IGF2BP1: variants seen among roughly 807,000 people sequenced by gnomAD.
IGF2BP1 encodes the protein insulin-like growth factor 2 mRNA-binding protein 1.
In IGF2BP1, 11 loss-of-function variants were observed where a neutral mutation model predicts 74.9. The observed-to-expected ratio is 0.15, with a 90% confidence interval of 0.09 to 0.24. The LOEUF (loss-of-function observed/expected upper bound fraction) is 0.24. Among genes scored for constraint, IGF2BP1 ranks in the 10% least tolerant of loss-of-function variants. The pLI is 1.00. For synonymous variants in IGF2BP1, 287 were observed against 281.8 expected, an observed-to-expected ratio of 1.02 and a Z score of -0.18; for missense variants, 440 against 757.4, an observed-to-expected ratio of 0.58 and a Z score of 4.92.
chr17:49,012,919 A>G (rs1245092673), intron 2 of IGF2BP1: 2 of 152,162 alleles, frequency 1.3e-5, no homozygotes, highest in African/African-American at 4.8e-5. Context: ...TTTCTAAAAT[A>G]TCAGGAACCC....
intron 12 of IGF2BP1, among the ~76,000 whole-genome samples, chr17:49,045,530 G>A (rs2042099883): frequency 6.6e-6 from 1 of 152,236 alleles, no homozygotes; most frequent in Admixed American, 6.5e-5. Context: ...TGTGTGACTT[G>A]ATTAGTTGCC....
In IGF2BP1 at chr17:49,049,456, C is replaced by G; in HGVS notation, c.*12C>G. The G allele has an allele frequency of 1.2e-6, 2 of 1,610,150 alleles. No individual in the cohort carries two copies. The highest frequency in any genetic ancestry group is 1.7e-6 in the Non-Finnish European group (2 of 1,176,518). ...CACGGAGGAAGTGACCAGCCCCTCC[C>G]TGTCCCTTCGAGTCCAGGACAACAA... On this transcript the variant is annotated 3_prime_UTR_variant, in exon 15 of 15. Coordinates refer to ENST00000290341, the MANE Select transcript of IGF2BP1 (RefSeq NM_006546.4).
At chr17:49,029,655 T>C (rs989934023) in intron 4 of IGF2BP1, among the ~76,000 whole-genome samples, 1 of 152,122 alleles carries the variant, frequency 6.6e-6, no homozygotes, top group Admixed American at 6.5e-5. Context: ...AGAGACAGAG[T>C]CTAGCTCTGC....
rs1393573810 is a variant in IGF2BP1 at position 49,051,547 on chromosome 17, AC to A, written c.*2104del. 1.3e-5 allele frequency: 2 copies of A among 152,230 alleles called. No individual in the cohort carries two copies. The highest frequency in any genetic ancestry group is 2.9e-5 in the Non-Finnish European group (2 of 68,044). The allele number at this position is 152,230 out of a possible 1,614,324, so 9.4% of individuals were successfully genotyped here. A position where few individuals can be genotyped will look rare whatever the true frequency, so the allele number is the denominator to read the frequency against. ...GGAGCTGGGGGCTCTCAGTGGTTAA[AC>A]AATGCCCAACAACCAACCAGCTGGC... On this transcript the variant is annotated 3_prime_UTR_variant, in exon 15 of 15. Coordinates refer to ENST00000290341, the MANE Select transcript of IGF2BP1 (RefSeq NM_006546.4).
rs569776328 is a variant in IGF2BP1 at position 49,043,891 on chromosome 17, T to C, written c.1201-76T>C. The C allele has an allele frequency of 2.2e-5, 34 of 1,568,266 alleles. No homozygotes were observed. In the South Asian group the frequency reaches 3.8e-4, roughly 18 times the overall value. On this transcript the variant is annotated intron_variant, in intron 10 of 14. Transcript: ENST00000290341. ...GCCTGTACTCCTTCCTCCTTGAGGA[T>C]GCAAGGCAGGGGAGTGGAGGGTTTC...
intron 2 of IGF2BP1, among the ~76,000 whole-genome samples, chr17:49,010,104 C>CA (rs1174183504): frequency 2.0e-5 from 3 of 151,898 alleles, no homozygotes; most frequent in Admixed American, 6.6e-5. Flanking sequence ...ACACAAAAAA[C>CA]AAAAAACATT....
At chr17:49,041,628 C>G in intron 8 of IGF2BP1, 128 bp downstream of exon 8, 1 of 1,259,170 alleles carries the variant, frequency 7.9e-7, no homozygotes, top group Non-Finnish European at 1.1e-6. Context: ...TGAAGAAAAA[C>G]AGTCGAAGTG....
At chr17:49,033,431 T>A (rs917256236) in intron 5 of IGF2BP1, among the ~76,000 whole-genome samples, 2 of 152,078 alleles carry the variant, frequency 1.3e-5, no homozygotes, top group Non-Finnish European at 2.9e-5. Context: ...AACCTTCACC[T>A]CCCAGGTTCA....
rs1002963113 is a variant in IGF2BP1, at chr17:49,024,069, A to G, written c.237-1549A>G. On this transcript the variant is annotated intron_variant, in intron 2 of 14. Coordinates refer to ENST00000290341, the MANE Select transcript of IGF2BP1 (RefSeq NM_006546.4). ...GTAGCTGGAATTACAGGCACGTGCC[A>G]CCACACCCTGCTAATTTTTTTTTTT... 2.9e-5 allele frequency among the ~76,000 whole-genome samples: 4 copies of G among 136,606 alleles called. No individual in the cohort carries two copies. In the South Asian group the frequency reaches 9.3e-4, roughly 32 times the overall value. The allele number at this position is 136,606 out of a possible 152,430, so 89.6% of individuals were successfully genotyped here.
In IGF2BP1 at chr17:49,051,805, C is replaced by T. The variant is rs982298792; in HGVS notation, c.*2361C>T. 4 of 152,038 alleles carry T rather than the reference C, an allele frequency of 2.6e-5. No individual in the cohort carries two copies. Among genetic ancestry groups the T allele is most frequent in the African/African-American group, 9.7e-5 (4 of 41,398 alleles). 9.4% of individuals were successfully genotyped at this position (152,038 alleles called of 1,614,324 possible). A position where few individuals can be genotyped will look rare whatever the true frequency, so the allele number is the denominator to read the frequency against. On this transcript the variant is annotated 3_prime_UTR_variant, in exon 15 of 15. Transcript: ENST00000290341. The stretch of plus-strand genomic sequence containing the variant: ...CCACCCTCTCGCCCTCAGAGAGGTC[C>T]ACCTGGTTTGTCATTGCAATGCTTT...
chr17:49,047,698 C>T (rs1382778815), intron 14 of IGF2BP1, among the ~76,000 whole-genome samples: 1 of 151,222 alleles, frequency 6.6e-6, no homozygotes, highest in Non-Finnish European at 1.5e-5. Context: ...ATTTTCCCAA[C>T]CTAGATCAAC....
In IGF2BP1 at chr17:48,997,932, G is replaced by A. The variant is rs1289000993; in HGVS notation, c.175+12G>A. On this transcript the variant is annotated intron_variant, in intron 1 of 14. Coordinates refer to ENST00000290341, the MANE Select transcript of IGF2BP1 (RefSeq NM_006546.4). This position sits in a 1 kb window ranked among gnomAD's most constrained non-coding sequence, Gnocchi z 4.8. ...CGAAACTTTCTCCGGTAAGAACACAGCCACCTCCCGGAAAAGCCACAACGA... is the reference window on the plus strand; with the variant it reads ...CGAAACTTTCTCCGGTAAGAACACAACCACCTCCCGGAAAAGCCACAACGA... The A allele has an allele frequency of 6.2e-7, 1 of 1,611,464 alleles. No individual in the cohort carries two copies. The highest frequency in any genetic ancestry group is 1.1e-5 in the South Asian group (1 of 90,828).
intron 2 of IGF2BP1, chr17:49,012,591 G>A (rs918585940): frequency 5.3e-5 from 8 of 152,122 alleles, no homozygotes; most frequent in African/African-American, 1.9e-4. Context: ...TTCAAGCCAC[G>A]GGAAAATGGG....
intron 2 of IGF2BP1, among the ~76,000 whole-genome samples, chr17:49,016,418 C>T (rs973314320): frequency 3.3e-5 from 5 of 150,858 alleles, no homozygotes; most frequent in African/African-American, 4.9e-5. Context: ...TGCGTGCGCA[C>T]GTGTGTGTGT....
chr17:49,041,408 C>T lies in IGF2BP1; in HGVS notation c.849C>T (p.Ala283=). Residue 283 remains alanine, a synonymous_variant, in exon 8 of 15, where the codon GCC becomes GCT. Transcript: ENST00000290341. ...TADEVPLKIL[A]HNNFVGRLIG... The stretch of plus-strand genomic sequence containing the variant: ...ACGAGGTTCCCCTGAAGATCCTGGC[C>T]CATAATAACTTTGTAGGGCGTCTCA... 1.2e-6 allele frequency: 2 copies of T among 1,613,904 alleles called. No individual in the cohort carries two copies. Among genetic ancestry groups the T allele is most frequent in the Non-Finnish European group, 1.7e-6 (2 of 1,179,976 alleles).
At position 49,052,189 on chromosome 17, in the gene IGF2BP1, C is replaced by A. The variant is rs1228876639; in HGVS notation, c.*2745C>A. 6.6e-6 allele frequency: 1 copy of A among 152,212 alleles called. No individual in the cohort carries two copies. The highest frequency in any genetic ancestry group is 1.5e-5 in the Non-Finnish European group (1 of 68,044). The allele number at this position is 152,212 out of a possible 1,614,324, so 9.4% of individuals were successfully genotyped here. A position where few individuals can be genotyped will look rare whatever the true frequency, so the allele number is the denominator to read the frequency against. On this transcript the variant is annotated 3_prime_UTR_variant, in exon 15 of 15. Transcript: ENST00000290341. ...ATCAGGCCAGTAGAATTAAGCCTCT[C>A]CACCTGTCCCAACCATAAAAAGGGT...
rs1490396829 is a variant in IGF2BP1 at position 49,054,056 on chromosome 17, G to GT, written c.*4613dup. 3.9e-5 allele frequency: 6 copies of GT among 152,788 alleles called. No homozygotes were observed. The South Asian group carries it at 1.0e-3, about 26-fold the overall frequency. The allele number at this position is 152,788 out of a possible 1,614,324, so 9.5% of individuals were successfully genotyped here. A position where few individuals can be genotyped will look rare whatever the true frequency, so the allele number is the denominator to read the frequency against. On this transcript the variant is annotated 3_prime_UTR_variant, in exon 15 of 15. Coordinates refer to ENST00000290341, the MANE Select transcript of IGF2BP1 (RefSeq NM_006546.4). Reference sequence around the variant, plus strand: ...ACATTTCTCTGTATTCAGACTTAGAGTAACACCAGCTGAAAACTGCAGTTT... The same window carrying GT: ...ACATTTCTCTGTATTCAGACTTAGAGTTAACACCAGCTGAAAACTGCAGTTT...
At chr17:49,023,590 G>A (rs2041817399) in intron 2 of IGF2BP1, among the ~76,000 whole-genome samples, 3 of 152,126 alleles carry the variant, frequency 2.0e-5, no homozygotes, top group African/African-American at 7.2e-5. Context: ...GGCAGGGCTG[G>A]CACTGTCCCC....
chr17:49,019,844 G>GGT (rs1260805849), intron 2 of IGF2BP1, among the ~76,000 whole-genome samples: 1 of 129,850 alleles, frequency 7.7e-6, no homozygotes, highest in Non-Finnish European at 1.6e-5. Context: ...CCCGGACCCA[G>GGT]GTGATCCTCC....
Sources: gnomAD v4.1 joint callset for allele counts (sites outside exome capture counted in the v4.1 genomes callset) on GRCh38, gnomAD v4.1.1 for gene constraint, Gnocchi (gnomAD v3.1) non-coding constraint, MANE v1.5 for transcripts, NCBI Gene and HGNC (gene_info 2026-07-23, HGNC 2026-07-21) for gene names.